The following RASGEF1B variants were observed in gnomAD, a reference collection of about 807,000 sequenced individuals.
RASGEF1B encodes RasGEF domain family member 1B.
Under a neutral mutation model 65.7 loss-of-function variants are expected in RASGEF1B, and 30 were observed. The observed-to-expected ratio is 0.46, with a 90% confidence interval of 0.34 to 0.62. The LOEUF (loss-of-function observed/expected upper bound fraction) is 0.62. Among genes scored for constraint, RASGEF1B ranks in the 20% least tolerant of loss-of-function variants. RASGEF1B has a pLI of 0.01. For missense variants in RASGEF1B, 495 were observed against 580.1 expected, an observed-to-expected ratio of 0.85 and a Z score of 1.51; for synonymous variants, 175 against 194.8, an observed-to-expected ratio of 0.90 and a Z score of 0.85.
At chr4:81,453,341 G>C (rs547201817) in intron 4 of RASGEF1B, 2 of 152,098 alleles carry the variant, frequency 1.3e-5, no homozygotes, top group Admixed American at 1.3e-4. Flanking sequence ...TCAAGTCTCC[G>C]CTCTAAGATG....
chr4:81,456,632 C>G lies in RASGEF1B; in HGVS notation c.438+19G>C. On this transcript the variant is annotated intron_variant, in intron 4 of 13. Transcript: ENST00000264400. The stretch of plus-strand genomic sequence containing the variant: ...CTGCCTGGGAATTCCAGCAGCCGCG[C>G]TAAATTCAGGTTACCAACCTCTTCG... 2 of 1,613,754 alleles carry G rather than the reference C, an allele frequency of 1.2e-6. No homozygotes were observed. The highest frequency in any genetic ancestry group is 1.7e-6 in the Non-Finnish European group (2 of 1,179,840).
chr4:81,434,957 TGGG>T (rs1377904588), intron 10 of RASGEF1B, among the ~76,000 whole-genome samples: 2 of 152,216 alleles, frequency 1.3e-5, no homozygotes, highest in African/African-American at 4.8e-5. Context: ...CAAGTAGCAA[TGGG>T]AAGTGAATAG....
rs531018975 is a variant in RASGEF1B, at chr4:81,429,839, A to G, written c.1398-2047T>C. On this transcript the variant is annotated intron_variant, in intron 13 of 13. Transcript: ENST00000264400. ...TGGTCGTCGAGAGGACACTGAGGGG[A>G]GCACGCTGGCAGATGGGCACACCGA... 2.0e-5 allele frequency among the ~76,000 whole-genome samples: 3 copies of G among 151,902 alleles called. 1 individual carries two copies. In the South Asian group the frequency reaches 6.2e-4, roughly 32 times the overall value.
At chr4:81,466,770 A>G (rs28571137) in intron 1 of RASGEF1B, among the ~76,000 whole-genome samples, 73 of 36,090 alleles carry the variant, frequency 2.0e-3, no homozygotes, top group African/African-American at 2.9e-3. Context: ...AAAAAAAAAA[A>G]AAAGAAAGAA....
chr4:81,456,692 T>C lies in RASGEF1B; in HGVS notation c.397A>G (p.Asn133Asp). ...ATTCGGTGAGCCAGATCTTTTAAGT[T>C]TCTCATCATTCTTTCATCCCGAAAA... Reference protein sequence around the residue: ...YDFRDERMMRNLKDLAHRIAS... With the variant: ...YDFRDERMMRDLKDLAHRIAS... The change falls in exon 4 of 14, where the codon AAC becomes GAC. Residue 133 changes from asparagine (N) to aspartate (D), a missense_variant. By Grantham distance (23) the Asn-to-Asp change is conservative. Coordinates refer to ENST00000264400, the MANE Select transcript of RASGEF1B (RefSeq NM_152545.3). 6.2e-7 allele frequency: 1 copy of C among 1,614,194 alleles called. No individual in the cohort carries two copies. The highest frequency in any genetic ancestry group is 8.5e-7 in the Non-Finnish European group (1 of 1,180,008).
intron 1 of RASGEF1B, among the ~76,000 whole-genome samples, chr4:81,462,929 T>A (rs1052004473): frequency 6.6e-6 from 1 of 152,164 alleles, no homozygotes; most frequent in Non-Finnish European, 1.5e-5. Flanking sequence ...TATAAGAAGC[T>A]GAGGTTCAGA....
chr4:81,445,779 AT>A lies in RASGEF1B; in HGVS notation c.788del (p.Asn263IlefsTer23). On this transcript the variant is annotated frameshift_variant, in exon 7 of 14. Coordinates refer to ENST00000264400, the MANE Select transcript of RASGEF1B (RefSeq NM_152545.3). LOFTEE classifies it high-confidence loss of function. ...CTGTAGCAACCAAGTAGCTGAGGCG[AT>A]TAAACCATTCCACGTAAGCTTCTAA... ...RNLEAYVEWF[N>X]RLSYLVATEI... 1 of 1,614,156 alleles carries A rather than the reference AT, an allele frequency of 6.2e-7. No individual in the cohort carries two copies. The highest frequency in any genetic ancestry group is 8.5e-7 in the Non-Finnish European group (1 of 1,179,998).
chr4:81,469,137 T>C (rs1231668098), intron 1 of RASGEF1B, among the ~76,000 whole-genome samples: 1 of 152,192 alleles, frequency 6.6e-6, no homozygotes, highest in Admixed American at 6.5e-5. Context: ...CTACTACTAA[T>C]AAAAATCCCA....
In RASGEF1B at chr4:81,448,044, A is replaced by G. The variant is rs779403603; in HGVS notation, c.654+25T>C. 5 of 1,594,294 alleles carry G rather than the reference A, an allele frequency of 3.1e-6. No individual in the cohort carries two copies. In the Admixed American group the frequency reaches 8.3e-5, roughly 27 times the overall value. On this transcript the variant is annotated intron_variant, in intron 5 of 13. Coordinates refer to ENST00000264400, the MANE Select transcript of RASGEF1B (RefSeq NM_152545.3). ...AAGCAAAGCAAATCTGTGGTTGTAA[A>G]GGGCAATGATGATAACGGCCTTACC...
chr4:81,466,802 G>GAAAGAA (rs1277297463), intron 1 of RASGEF1B, among the ~76,000 whole-genome samples: 1 of 144,704 alleles, frequency 6.9e-6, no homozygotes, highest in Non-Finnish European at 1.5e-5. Context: ...AAGAAAGAAA[G>GAAAGAA]AAAGAAAGAA....
At chr4:81,442,227 G>T in intron 9 of RASGEF1B, 70 bp downstream of exon 9, 1 of 1,006,854 alleles carries the variant, frequency 9.9e-7, no homozygotes, top group South Asian at 1.3e-5. Flanking sequence ...GGAGAGGCAA[G>T]ACCACATAAA....
rs750854940 is a variant in RASGEF1B at position 81,427,790 on chromosome 4, G to A, written c.1400C>T (p.Ser467Leu). The A allele has an allele frequency of 3.7e-6, 6 of 1,613,856 alleles. No individual in the cohort carries two copies. The highest frequency in any genetic ancestry group is 2.2e-5 in the East Asian group (1 of 44,860). The change falls in exon 14 of 14, where the codon TCG (serine) becomes TTG (leucine). Residue 467 changes from serine to leucine, a missense_variant and splice_region_variant. Ser to Leu is a moderately radical substitution (Grantham distance 145). Coordinates refer to ENST00000264400, the MANE Select transcript of RASGEF1B (RefSeq NM_152545.3). ...GTGTTAAACTCTGCCTAAGAGGCTC[G>A]ACCTGAGTAATAAAAACAACACAAC... ...IEKDRWKSLR[S>L]SLLGRV
intron 10 of RASGEF1B, among the ~76,000 whole-genome samples, chr4:81,438,765 C>A (rs1474993558): frequency 6.6e-6 from 1 of 151,104 alleles, no homozygotes; most frequent in African/African-American, 2.4e-5. Flanking sequence ...GTTGTCCCCT[C>A]CCTGTGTCCA....
At chr4:81,444,427 T>C (rs1431478255) in intron 8 of RASGEF1B, among the ~76,000 whole-genome samples, 1 of 152,184 alleles carries the variant, frequency 6.6e-6, no homozygotes, top group Non-Finnish European at 1.5e-5. Context: ...GTAAACAAAA[T>C]GGAAAAATAA....
chr4:81,445,132 G>T (rs1456924933), intron 8 of RASGEF1B, among the ~76,000 whole-genome samples: 2 of 152,192 alleles, frequency 1.3e-5, no homozygotes, highest in Admixed American at 1.3e-4. Context: ...AGCCTGAACA[G>T]TTAGAAAATG....
rs1553947089 is a variant in RASGEF1B at position 81,466,770 on chromosome 4, A to AGAAAGAAAGAAAG, written c.-7+4999_-7+5000insCTTTCTTTCTTTC. Among the ~76,000 whole-genome samples, 3 of 36,100 alleles carry AGAAAGAAAGAAAG rather than the reference A, an allele frequency of 8.3e-5. 1 individual carries two copies. Among genetic ancestry groups the AGAAAGAAAGAAAG allele is most frequent in the Non-Finnish European group, 1.6e-4 (3 of 18,746 alleles). 23.7% of individuals were successfully genotyped at this position (36,100 alleles called of 152,430 possible). A position where few individuals can be genotyped will look rare whatever the true frequency, so the allele number is the denominator to read the frequency against. The stretch of plus-strand genomic sequence containing the variant: ...CAAGCCTCCATGTCAAAAAAAAAAA[A>AGAAAGAAAGAAAG]AAAGAAAGAAAGAAAGAAAGAAAGA... On this transcript the variant is annotated intron_variant, in intron 1 of 13. Transcript: ENST00000264400.
chr4:81,447,471 G>A lies in RASGEF1B; in HGVS notation c.729+33C>T, dbSNP rs376316796. On this transcript the variant is annotated intron_variant, in intron 6 of 13. Transcript: ENST00000264400. ...CATAGACTGATAAATCCCATTTTTG[G>A]TTTCAGTGCTGACCTTTGGGTAGAC... is the stretch of plus-strand genomic sequence containing the variant. 7.9e-6 allele frequency: 12 copies of A among 1,525,424 alleles called. No homozygotes were observed. In the African/African-American group the frequency reaches 1.5e-4, roughly 19 times the overall value. The allele number at this position is 1,525,424 out of a possible 1,614,324, so 94.5% of individuals were successfully genotyped here.
chr4:81,468,100 A>G (rs1722909923), intron 1 of RASGEF1B, among the ~76,000 whole-genome samples: 1 of 152,226 alleles, frequency 6.6e-6, no homozygotes, highest in African/African-American at 2.4e-5. Context: ...CACAGATATG[A>G]GTAGCTGAAT....
At chr4:81,467,784 T>G (rs1722892021) in intron 1 of RASGEF1B, among the ~76,000 whole-genome samples, 1 of 152,212 alleles carries the variant, frequency 6.6e-6, no homozygotes, top group Non-Finnish European at 1.5e-5. Context: ...TCATAATGCC[T>G]TACATTGTAG....
Sources: allele counts gnomAD v4.1 joint callset (sites outside exome capture counted in the v4.1 genomes callset), GRCh38; gene constraint gnomAD v4.1.1; transcripts MANE v1.5; gene names NCBI Gene and HGNC (gene_info 2026-07-23, HGNC 2026-07-21).